Variants in SYPL2 observed in about 807,000 individuals in gnomAD.
SYPL2 encodes the protein synaptophysin-like protein 2.
A neutral mutation model predicts 31.3 loss-of-function variants in SYPL2; 24 were observed. The observed-to-expected ratio is 0.77, with a 90% CI of 0.56 to 1.08. SYPL2 has a LOEUF of 1.08. Ranked by LOEUF, SYPL2 falls within the 50% of genes least tolerant of loss-of-function variation. SYPL2 has a pLI of 0.00. For synonymous variants in SYPL2, 144 were observed against 143.1 expected, an observed-to-expected ratio of 1.01 and a Z score of -0.05; for missense variants, 342 against 360.1, an observed-to-expected ratio of 0.95 and a Z score of 0.41.
chr1:109,470,773 G>A (rs1392327390), intron 2 of SYPL2, among the ~76,000 whole-genome samples: 1 of 152,106 alleles, frequency 6.6e-6, no homozygotes, highest in Admixed American at 6.5e-5. Flanking sequence ...GACATGGAGG[G>A]GGTTGGGAGA....
At chr1:109,467,599 C>G (rs1655695254) in intron 2 of SYPL2, among the ~76,000 whole-genome samples, 1 of 152,074 alleles carries the variant, frequency 6.6e-6, no homozygotes, top group South Asian at 2.1e-4. Flanking sequence ...CTGGATGATC[C>G]TGCAAGTACT....
In SYPL2 at chr1:109,479,502, C is replaced by A; in HGVS notation, c.773C>A (p.Pro258His). ...QDQDQDQGQG[P>H]SQESAAEQGA... is the part of the protein sequence containing the mutation. The stretch of plus-strand genomic sequence containing the variant: ...CAGGACCAGGACCAGGGCCAGGGTC[C>A]CAGCCAGGAGAGTGCAGCTGAGCAG... Residue 258 changes from proline to histidine, a missense_variant, in exon 6 of 6, where the codon CCC becomes CAC. Coordinates refer to ENST00000369872, the MANE Select transcript of SYPL2 (RefSeq NM_001040709.2). 6.2e-7 allele frequency: 1 copy of A among 1,614,168 alleles called. No individual in the cohort carries two copies. Among genetic ancestry groups the A allele is most frequent in the South Asian group, 1.1e-5 (1 of 91,088 alleles).
chr1:109,471,110 T>C (rs1035702613), intron 2 of SYPL2, among the ~76,000 whole-genome samples: 1 of 152,190 alleles, frequency 6.6e-6, no homozygotes, highest in African/African-American at 2.4e-5. Flanking sequence ...AGCCTGGCTC[T>C]CACATTAACT....
At chr1:109,472,685 C>T in intron 2 of SYPL2, among the ~76,000 whole-genome samples, 1 of 134,154 alleles carries the variant, frequency 7.5e-6, no homozygotes, top group Middle Eastern at 6.0e-3. Flanking sequence ...GATCATAGCT[C>T]ACTGCAGCCT....
chr1:109,473,700 G>A (rs1655903562), intron 2 of SYPL2, among the ~76,000 whole-genome samples: 2 of 152,088 alleles, frequency 1.3e-5, no homozygotes, highest in South Asian at 4.2e-4. Flanking sequence ...AGACCATCCT[G>A]GCTAACACGG....
intron 2 of SYPL2, among the ~76,000 whole-genome samples, chr1:109,471,375 T>G (rs1655826737): frequency 6.6e-6 from 1 of 152,166 alleles, no homozygotes; most frequent in African/African-American, 2.4e-5. Context: ...ATACAATAAA[T>G]ACTAAAGTTA....
intron 2 of SYPL2, among the ~76,000 whole-genome samples, chr1:109,472,826 T>C (rs1253627758): frequency 6.6e-6 from 1 of 151,806 alleles, no homozygotes; most frequent in Non-Finnish European, 1.5e-5. Context: ...ATGTTGCCTA[T>C]ATGTTGCTAG....
chr1:109,481,122 T>A lies in SYPL2; in HGVS notation c.*1574T>A, dbSNP rs1250990874. 1 of 152,640 alleles carries A rather than the reference T, an allele frequency of 6.6e-6. No homozygotes were observed. Among genetic ancestry groups the A allele is most frequent in the Non-Finnish European group, 1.5e-5 (1 of 68,052 alleles). The allele number at this position is 152,640 out of a possible 1,614,324, so 9.5% of individuals were successfully genotyped here. A position where few individuals can be genotyped will look rare whatever the true frequency, so the allele number is the denominator to read the frequency against. ...TCTCTAAACACCATCCATAGTAACATGTGCATTACTGGGGTACCTAGGAGT... is the reference window on the plus strand; with the variant it reads ...TCTCTAAACACCATCCATAGTAACAAGTGCATTACTGGGGTACCTAGGAGT... On this transcript the variant is annotated 3_prime_UTR_variant, in exon 6 of 6. Coordinates refer to ENST00000369872, the MANE Select transcript of SYPL2 (RefSeq NM_001040709.2).
At chr1:109,473,886 C>T (rs1161327728) in intron 2 of SYPL2, among the ~76,000 whole-genome samples, 2 of 113,142 alleles carry the variant, frequency 1.8e-5, no homozygotes, top group Non-Finnish European at 3.8e-5. Flanking sequence ...CAGAGCAAGA[C>T]TCCATCTAAA....
Position 109,466,741 on chromosome 1 carries a change from T to C in SYPL2, c.-103T>C. 2.3e-6 allele frequency: 3 copies of C among 1,278,842 alleles called. No individual in the cohort carries two copies. The African/African-American group carries it at 4.7e-5, about 20-fold the overall frequency. 79.2% of individuals were successfully genotyped at this position (1,278,842 alleles called of 1,614,324 possible). On this transcript the variant is annotated 5_prime_UTR_variant, in exon 1 of 6. Transcript: ENST00000369872. ...CGCTCGCGCTCCGGCCCCGCTCGCC[T>C]GCTCTGCCCCGGACCTGCAGCTCCC...
intron 2 of SYPL2, 182 bp from the exon 3 acceptor site, chr1:109,475,399 G>GC: frequency 1.2e-6 from 1 of 804,500 alleles, no homozygotes; most frequent in African/African-American, 1.7e-5. Flanking sequence ...TGGTCCAGCA[G>GC]CCTGAGGCTG....
intron 2 of SYPL2, among the ~76,000 whole-genome samples, chr1:109,474,028 A>G (rs1655916207): frequency 6.6e-6 from 1 of 152,326 alleles, no homozygotes; most frequent in Non-Finnish European, 1.5e-5. Context: ...CTTTCACTCC[A>G]TAATGCTAAC....
intron 2 of SYPL2, among the ~76,000 whole-genome samples, chr1:109,469,899 G>C (rs1177370634): frequency 6.6e-6 from 1 of 151,088 alleles, no homozygotes; most frequent in East Asian, 1.9e-4. Flanking sequence ...GATTTTTGAG[G>C]TCAGATAGGC....
chr1:109,472,218 G>C (rs1655857468), intron 2 of SYPL2, among the ~76,000 whole-genome samples: 1 of 152,050 alleles, frequency 6.6e-6, no homozygotes, highest in East Asian at 1.9e-4. Context: ...CTGGGCTCAA[G>C]AGATCTTCCC....
intron 2 of SYPL2, among the ~76,000 whole-genome samples, chr1:109,474,228 G>A (rs974377999): frequency 1.4e-4 from 22 of 151,988 alleles, no homozygotes; most frequent in African/African-American, 5.1e-4. Flanking sequence ...ACAAGTCAAA[G>A]GTAAGTGCAC....
rs200840758 is a variant in SYPL2, at chr1:109,479,443, G to A, written c.714G>A (p.Pro238=). The change falls in exon 6 of 6, where the codon CCG becomes CCA. Residue 238 remains proline, a synonymous_variant. Coordinates refer to ENST00000369872, the MANE Select transcript of SYPL2 (RefSeq NM_001040709.2). ...GNCWFVFKET[P]WHGQGQGQDQ... ...GTTGGTTTGTGTTCAAGGAGACCCC[G>A]TGGCATGGACAGGGCCAGGGCCAGG... 1.0e-3 allele frequency: 1,625 copies of A among 1,613,908 alleles called. 34 individuals are homozygous for A. The South Asian group carries it at 0.017, about 16-fold the overall frequency.
chr1:109,469,712 A>G (rs1426255288), intron 2 of SYPL2, among the ~76,000 whole-genome samples: 1 of 151,106 alleles, frequency 6.6e-6, no homozygotes, highest in Non-Finnish European at 1.5e-5. Context: ...GTGATGACAC[A>G]TGCTTGTGGT....
intron 2 of SYPL2, among the ~76,000 whole-genome samples, chr1:109,474,303 T>TTTTTCTTTTC (rs199978564): frequency 7.0e-6 from 1 of 143,716 alleles, no homozygotes; most frequent in African/African-American, 2.7e-5. Flanking sequence ...CTCCTTTTCT[T>TTTTTCTTTTC]TTTTCTTTTC....
At chr1:109,479,261 GTCC>G in intron 5 of SYPL2, 114 bp from the exon 6 acceptor site, 1 of 1,148,032 alleles carries the variant, frequency 8.7e-7, no homozygotes, top group South Asian at 1.4e-5. Context: ...AGTCTTTCTA[GTCC>G]TCTGTGCTTC....
Sources: gnomAD v4.1 joint callset for allele counts (sites outside exome capture counted in the v4.1 genomes callset) on GRCh38, gnomAD v4.1.1 for gene constraint, MANE v1.5 for transcripts, NCBI Gene and HGNC (gene_info 2026-07-23, HGNC 2026-07-21) for gene names.